The following VPS13B variants were observed in gnomAD, a reference collection of about 807,000 sequenced individuals.
The protein encoded by VPS13B is vacuolar protein sorting 13 homolog B.
VPS13B carries 285 observed loss-of-function variants against 426.4 expected under a neutral mutation model. That is an observed-to-expected ratio of 0.67 (90% CI 0.61 to 0.74). The LOEUF (loss-of-function observed/expected upper bound fraction) is 0.74, where lower values mean the gene tolerates loss of function less well. Among genes scored for constraint, VPS13B ranks in the 30% least tolerant of loss-of-function variants. The probability of loss-of-function intolerance (pLI) is 0.00; values close to 1 mark genes in which losing one functional copy is unlikely to be tolerated. For synonymous variants in VPS13B, 1,676 were observed against 1,676.4 expected (o/e 1.00, Z 0.01); for missense variants, 4,537 against 4,782.6 (o/e 0.95, Z 1.51).
intron 35 of VPS13B, among the ~76,000 whole-genome samples, chr8:99,663,830 G>A (rs535826665): frequency 5.4e-4 from 82 of 152,204 alleles, no homozygotes; most frequent in Admixed American, 2.5e-3. Context: ...TTATCTTGTA[G>A]TTTACATTTG....
chr8:99,740,848 A>G (rs370521289), intron 39 of VPS13B, among the ~76,000 whole-genome samples: 9,702 of 151,874 alleles, frequency 0.064, 435 homozygotes, highest in African/African-American at 0.13. Flanking sequence ...AGGAACAACC[A>G]GTACCAGCCA....
At chr8:99,483,044 T>C (rs1820126651) in intron 25 of VPS13B, among the ~76,000 whole-genome samples, 1 of 152,182 alleles carries the variant, frequency 6.6e-6, no homozygotes. Flanking sequence ...AATAAAGCTA[T>C]TGGCAAAATA....
At chr8:99,066,531 C>T (rs1563517922) in intron 3 of VPS13B, among the ~76,000 whole-genome samples, 1 of 152,162 alleles carries the variant, frequency 6.6e-6, no homozygotes, top group Non-Finnish European at 1.5e-5. Context: ...TAATGTTAGA[C>T]CTAAAACCAC....
chr8:99,234,374 T>A (rs1816522905), intron 17 of VPS13B: 1 of 724,954 alleles, frequency 1.4e-6, no homozygotes, highest in Admixed American at 1.8e-5. Context: ...AGGAGGTATG[T>A]TTCAAATCTG....
chr8:99,240,717 C>T (rs546800598), intron 17 of VPS13B, among the ~76,000 whole-genome samples: 28 of 152,308 alleles, frequency 1.8e-4, no homozygotes, highest in African/African-American at 6.7e-4. Context: ...ATCACTTTCT[C>T]CAGCTATTCT....
At chr8:99,140,553 C>G (rs1005763684) in intron 12 of VPS13B, among the ~76,000 whole-genome samples, 1 of 149,720 alleles carries the variant, frequency 6.7e-6, no homozygotes, top group Non-Finnish European at 1.5e-5. Flanking sequence ...TCTTCTTCTC[C>G]TCCTTCTCCT....
At chr8:99,871,033 C>A in intron 60 of VPS13B, 146 bp downstream of exon 60, 1 of 817,758 alleles carries the variant, frequency 1.2e-6, no homozygotes, top group Non-Finnish European at 2.0e-6. Flanking sequence ...CACAAGAGCA[C>A]TGTAGAGGGA....
chr8:99,642,638 C>A, intron 34 of VPS13B, 140 bp downstream of exon 34: 1 of 727,686 alleles, frequency 1.4e-6, no homozygotes, highest in Non-Finnish European at 2.3e-6. Context: ...TCATGTTCCA[C>A]AGCTGAATCC....
chr8:99,392,397 TTTC>T (rs1398830919), intron 21 of VPS13B, among the ~76,000 whole-genome samples: 2 of 152,074 alleles, frequency 1.3e-5, no homozygotes, highest in Non-Finnish European at 2.9e-5. Flanking sequence ...TGATTTGTTT[TTTC>T]TTCTTAACCT....
chr8:99,536,096 C>A (rs547153897), intron 30 of VPS13B, among the ~76,000 whole-genome samples: 245 of 152,012 alleles, frequency 1.6e-3, no homozygotes, highest in Admixed American at 3.5e-3. Flanking sequence ...ATTACAGGCG[C>A]ACGTCACCAT....
chr8:99,502,380 A>G (rs1335307045), intron 26 of VPS13B, among the ~76,000 whole-genome samples: 1 of 152,208 alleles, frequency 6.6e-6, no homozygotes, highest in African/African-American at 2.4e-5. Context: ...ATAATTAAAT[A>G]ATTATTATTA....
chr8:99,093,560 C>T (rs1038674054), intron 3 of VPS13B, among the ~76,000 whole-genome samples: 3 of 143,494 alleles, frequency 2.1e-5, no homozygotes, highest in African/African-American at 5.1e-5. Context: ...CCCCAGAGTG[C>T]GATGTTCCCC....
intron 16 of VPS13B, among the ~76,000 whole-genome samples, chr8:99,191,673 C>T (rs930435333): frequency 2.0e-5 from 3 of 151,916 alleles, no homozygotes; most frequent in East Asian, 1.9e-4. Context: ...TGAGCCACCG[C>T]GCTGGGCCTA....
chr8:99,813,170 C>T (rs1813817127), intron 44 of VPS13B, among the ~76,000 whole-genome samples: 1 of 152,142 alleles, frequency 6.6e-6, no homozygotes, highest in Admixed American at 6.5e-5. Context: ...TTTGGATTTT[C>T]TTTCATCTAA....
intron 3 of VPS13B, among the ~76,000 whole-genome samples, chr8:99,076,120 G>T (rs567012253): frequency 6.6e-6 from 1 of 152,134 alleles, no homozygotes; most frequent in East Asian, 1.9e-4. Context: ...TGGAGTCATT[G>T]ATCATTCAGG....
At chr8:99,525,053 G>T (rs1000401034) in intron 30 of VPS13B, among the ~76,000 whole-genome samples, 2 of 152,100 alleles carry the variant, frequency 1.3e-5, no homozygotes, top group Admixed American at 6.6e-5. Flanking sequence ...TCTTCAATCT[G>T]AAAGAAAAAG....
chr8:99,833,924 G>A (rs2130861751), intron 52 of VPS13B, among the ~76,000 whole-genome samples: 1 of 152,342 alleles, frequency 6.6e-6, no homozygotes. Context: ...GAACTTTGCT[G>A]TTTATCGAAG....
Position 99,662,595 on chromosome 8 carries a change from T to C in VPS13B, c.6046+1104T>C, listed in dbSNP as rs142195144. ...CCAAGTAGCTGGGACTACAGGTGTGTGCCACCACGCCCAACTAGTTTTTTT... is the reference window on the plus strand; with the variant it reads ...CCAAGTAGCTGGGACTACAGGTGTGCGCCACCACGCCCAACTAGTTTTTTT... On this transcript the variant is annotated intron_variant, in intron 35 of 61. Coordinates refer to ENST00000357162, the MANE Select transcript of VPS13B (RefSeq NM_152564.5). Among the ~76,000 whole-genome samples, 121 of 152,188 alleles carry C rather than the reference T, an allele frequency of 8.0e-4. 2 individuals are homozygous for C. Among genetic ancestry groups the C allele is most frequent in the African/African-American group, 2.6e-3 (106 of 41,546 alleles).
At chr8:99,366,162 T>G (rs971685104) in intron 19 of VPS13B, among the ~76,000 whole-genome samples, 1 of 152,202 alleles carries the variant, frequency 6.6e-6, no homozygotes, top group Non-Finnish European at 1.5e-5. Flanking sequence ...ATTTTCTTTC[T>G]GACAGATCTC....
Sources: allele counts gnomAD v4.1 joint callset (sites outside exome capture counted in the v4.1 genomes callset), GRCh38; gene constraint gnomAD v4.1.1; transcripts MANE v1.5; gene names NCBI Gene and HGNC (gene_info 2026-07-23, HGNC 2026-07-21).